The following API5 variants were observed in gnomAD, a reference collection of about 807,000 sequenced individuals.
API5 encodes the protein apoptosis inhibitor 5.
In API5, 6 loss-of-function variants were observed where a neutral mutation model predicts 71.9. The observed-to-expected ratio is 0.08, with a 90% CI of 0.05 to 0.16. The LOEUF (loss-of-function observed/expected upper bound fraction) is 0.16. Ranked by LOEUF, API5 falls within the 10% of genes least tolerant of loss-of-function variation. The probability of loss-of-function intolerance (pLI) is 1.00; values close to 1 mark genes in which losing one functional copy is unlikely to be tolerated. For missense variants in API5, 332 were observed against 612.8 expected, an observed-to-expected ratio of 0.54 and a Z score of 4.84; for synonymous variants, 189 against 221.3, an observed-to-expected ratio of 0.85 and a Z score of 1.30.
intron 1 of API5, among the ~76,000 whole-genome samples, chr11:43,318,010 G>T (rs74377848): frequency 4.8e-5 from 7 of 145,174 alleles, no homozygotes; most frequent in Non-Finnish European, 1.1e-4. Flanking sequence ...TGTTTGTTTT[G>T]TTTTGTTTTG....
chr11:43,330,659 G>GAATACTGGA (rs1855220813), intron 11 of API5, 95 bp downstream of exon 11: 1 of 984,432 alleles, frequency 1.0e-6, no homozygotes, highest in Non-Finnish European at 1.5e-6. Context: ...CCAACAAAGG[G>GAATACTGGA]AGGCATGCAA....
chr11:43,335,196 C>G lies in API5; in HGVS notation c.1279-82C>G, dbSNP rs5743250. On this transcript the variant is annotated intron_variant, in intron 11 of 13. Coordinates refer to ENST00000531273, the MANE Select transcript of API5 (RefSeq NM_001142930.2). The stretch of plus-strand genomic sequence containing the variant: ...GTCTCCTAAATTGAATCTTTAAGAT[C>G]TGTCTTCGTTTCCTACCCTCACCAC... 3.2e-5 allele frequency: 30 copies of G among 926,112 alleles called. No individual in the cohort carries two copies. The Admixed American group carries it at 5.6e-4, about 17-fold the overall frequency. The allele number at this position is 926,112 out of a possible 1,614,324, so 57.4% of individuals were successfully genotyped here.
At chr11:43,336,091 C>G in intron 13 of API5, 97 bp downstream of exon 13, 1 of 1,438,406 alleles carries the variant, frequency 7.0e-7, no homozygotes, top group Non-Finnish European at 9.3e-7. Context: ...TGTCATGGTT[C>G]TATCCAATGA....
In API5 at chr11:43,344,351, C is replaced by CA. The variant is rs763171261; in HGVS notation, c.*1842dup. On this transcript the variant is annotated 3_prime_UTR_variant, in exon 14 of 14. Coordinates refer to ENST00000531273, the MANE Select transcript of API5 (RefSeq NM_001142930.2). ...CTGAGTTGACTGTTCCCTTATCCCTCACCCTTCCCCTTCCCTTTCCTAAGG... is the reference window on the plus strand; with the variant it reads ...CTGAGTTGACTGTTCCCTTATCCCTCAACCCTTCCCCTTCCCTTTCCTAAGG... 41 of 152,748 alleles carry CA rather than the reference C, an allele frequency of 2.7e-4. No homozygotes were observed. Among genetic ancestry groups the CA allele is most frequent in the Admixed American group, 5.2e-4 (8 of 15,302 alleles). 9.5% of individuals were successfully genotyped at this position (152,748 alleles called of 1,614,324 possible).
Position 43,312,133 on chromosome 11 carries a change from G to C in API5, c.6G>C (p.Pro2=). 6.2e-7 allele frequency: 1 copy of C among 1,613,808 alleles called. No homozygotes were observed. The highest frequency in any genetic ancestry group is 8.5e-7 in the Non-Finnish European group (1 of 1,179,926). Residue 2 remains proline (P), a synonymous_variant, in exon 1 of 14, where the codon CCG becomes CCC. Transcript: ENST00000531273. ...CCCTGGGCTTGTCGCTCACCATGCC[G>C]ACAGTAGAGGAGCTTTACCGCAATT... The part of the protein sequence containing the change: M[P]TVEELYRNYG...
At chr11:43,322,522 T>G (rs1444476926) in intron 5 of API5, among the ~76,000 whole-genome samples, 4 of 152,204 alleles carry the variant, frequency 2.6e-5, no homozygotes, top group Non-Finnish European at 5.9e-5. Context: ...TGACCTGTTG[T>G]CACCTTAGCC....
intron 13 of API5, chr11:43,340,260 C>A: frequency 3.0e-6 from 1 of 332,090 alleles, no homozygotes; most frequent in Non-Finnish European, 5.8e-6. Context: ...AACTACAAAA[C>A]ACTGATGAAA....
At chr11:43,329,639 T>C (rs969502347) in intron 9 of API5, among the ~76,000 whole-genome samples, 1 of 152,254 alleles carries the variant, frequency 6.6e-6, no homozygotes, top group Non-Finnish European at 1.5e-5. Context: ...TTAGTGTTAC[T>C]GGAGAAGCAG....
At chr11:43,316,349 AT>A (rs1424534019) in intron 1 of API5, among the ~76,000 whole-genome samples, 2 of 148,458 alleles carry the variant, frequency 1.3e-5, no homozygotes, top group East Asian at 2.0e-4. Flanking sequence ...CAGATTTAAT[AT>A]TTTTTTCTTG....
At position 43,312,071 on chromosome 11, in the gene API5, C is replaced by T. The variant is rs1854489461; in HGVS notation, c.-57C>T. 15 of 1,591,454 alleles carry T rather than the reference C, an allele frequency of 9.4e-6. No homozygotes were observed. The East Asian group carries it at 1.8e-4, about 19-fold the overall frequency. On this transcript the variant is annotated 5_prime_UTR_variant, in exon 1 of 14. Transcript: ENST00000531273. The stretch of plus-strand genomic sequence containing the variant: ...TGGGTTTGGAGAAGTTCCGAGGCGG[C>T]GGTGGCGCCGGTCAGGACAAGGATA...
At chr11:43,321,960 T>G in intron 4 of API5, 25 bp from the exon 5 acceptor site, 1 of 1,595,762 alleles carries the variant, frequency 6.3e-7, no homozygotes, top group Non-Finnish European at 8.5e-7. Flanking sequence ...ATTGACTTGC[T>G]ACAGGCAACT....
At chr11:43,330,998 A>G (rs1302670849) in intron 11 of API5, among the ~76,000 whole-genome samples, 1 of 152,126 alleles carries the variant, frequency 6.6e-6, no homozygotes, top group East Asian at 1.9e-4. Flanking sequence ...ACCTGAGAGA[A>G]CCAGAAAAAA....
chr11:43,326,268 TA>T (rs1340226912), intron 6 of API5, among the ~76,000 whole-genome samples: 4 of 152,196 alleles, frequency 2.6e-5, no homozygotes, highest in African/African-American at 9.7e-5. Flanking sequence ...TGTTGATAAA[TA>T]AAGTTTATAT....
intron 6 of API5, among the ~76,000 whole-genome samples, chr11:43,325,125 G>C (rs557305340): frequency 1.6e-4 from 24 of 151,780 alleles, no homozygotes; most frequent in African/African-American, 5.8e-4. Context: ...AAAAAACTAC[G>C]CATGGATTAC....
intron 2 of API5, among the ~76,000 whole-genome samples, chr11:43,320,042 C>CTTT (rs368783012): frequency 9.2e-4 from 110 of 120,128 alleles, no homozygotes; most frequent in East Asian, 1.5e-3. Flanking sequence ...CAAATTCTCT[C>CTTT]TTTTTTTTTT....
At chr11:43,314,618 C>G (rs912919477) in intron 1 of API5, among the ~76,000 whole-genome samples, 1 of 152,162 alleles carries the variant, frequency 6.6e-6, no homozygotes, top group Non-Finnish European at 1.5e-5. Context: ...TGAAATTTAA[C>G]ACAATTCTCT....
Position 43,318,768 on chromosome 11 carries a change from A to G in API5, c.198A>G (p.Ala66=), listed in dbSNP as rs1854765430. ...FPELADSAIN[A]QLDLCEDEDV... is the part of the protein sequence containing the mutation. ...AATTGGCTGATTCTGCTATCAATGC[A>G]CAGTTAGACCTCTGTGAGGATGAAG... is the stretch of plus-strand genomic sequence containing the variant. The change falls in exon 2 of 14, where the codon GCA becomes GCG. Residue 66 remains alanine, a synonymous_variant. Transcript: ENST00000531273. The G allele has an allele frequency of 1.2e-6, 2 of 1,613,486 alleles. No homozygotes were observed. The highest frequency in any genetic ancestry group is 2.7e-5 in the African/African-American group (2 of 74,950).
At position 43,326,624 on chromosome 11, in the gene API5, T is replaced by G. The variant is rs760404756; in HGVS notation, c.855+13T>G. 6.6e-7 allele frequency: 1 copy of G among 1,508,392 alleles called. No individual in the cohort carries two copies. The highest frequency in any genetic ancestry group is 1.7e-5 in the Admixed American group (1 of 58,118). The allele number at this position is 1,508,392 out of a possible 1,614,324, so 93.4% of individuals were successfully genotyped here. ...TATACAGTTGGAGGTAAGCAAAAATTTCAGCTTTAGCACTGATAAGGCATT... is the reference window on the plus strand; with the variant it reads ...TATACAGTTGGAGGTAAGCAAAAATGTCAGCTTTAGCACTGATAAGGCATT... On this transcript the variant is annotated intron_variant, in intron 7 of 13. Transcript: ENST00000531273.
intron 1 of API5, chr11:43,318,271 G>GGTGCT (rs1854745085): frequency 2.8e-6 from 2 of 716,266 alleles, no homozygotes; most frequent in South Asian, 3.5e-5. Flanking sequence ...GGCCTCCCAA[G>GGTGCT]GTGCTGGGAT....
Sources: allele counts gnomAD v4.1 joint callset (sites outside exome capture counted in the v4.1 genomes callset), GRCh38; gene constraint gnomAD v4.1.1; transcripts MANE v1.5; gene names NCBI Gene and HGNC (gene_info 2026-07-23, HGNC 2026-07-21).